Variants in ATP11A observed in about 807,000 individuals in gnomAD.
ATP11A encodes phospholipid-transporting ATPase IH.
Under a neutral mutation model 154.4 loss-of-function variants are expected in ATP11A, and 81 were observed. That is an observed-to-expected ratio of 0.52 (90% CI 0.44 to 0.63). The LOEUF (loss-of-function observed/expected upper bound fraction) is 0.63, where lower values mean the gene tolerates loss of function less well. Among genes scored for constraint, ATP11A ranks in the 30% least tolerant of loss-of-function variants. The pLI is 0.00. For synonymous variants in ATP11A, 623 were observed against 585.9 expected, an observed-to-expected ratio of 1.06 and a Z score of -0.91; for missense variants, 1,316 against 1,474.3, an observed-to-expected ratio of 0.89 and a Z score of 1.76.
Position 112,753,546 on chromosome 13 carries a change from A to G in ATP11A, c.40-31589A>G, listed in dbSNP as rs144225374. On this transcript the variant is annotated intron_variant, in intron 1 of 29. Transcript: ENST00000375645. This position sits in a 1 kb window ranked among gnomAD's most constrained non-coding sequence, Gnocchi z 4.1. ...GGTTTTATCTTGTACTTCTCCTGCT[A>G]ACAGGCAGGTTGAGAATCTTTTTAT... Among the ~76,000 whole-genome samples, 192 of 152,330 alleles carry G rather than the reference A, an allele frequency of 1.3e-3. 1 individual carries two copies. Among genetic ancestry groups the G allele is most frequent in the African/African-American group, 4.5e-3 (189 of 41,574 alleles).
intron 28 of ATP11A, 119 bp from the exon 29 acceptor site, chr13:112,878,098 A>G (rs2080783175): frequency 1.9e-5 from 18 of 948,870 alleles, no homozygotes; most frequent in Middle Eastern, 4.2e-4. Context: ...TGACTAACTC[A>G]GCTCTGTCTC....
At chr13:112,779,555 T>C (rs974483836) in intron 1 of ATP11A, among the ~76,000 whole-genome samples, 3 of 152,208 alleles carry the variant, frequency 2.0e-5, no homozygotes, top group African/African-American at 7.2e-5. Flanking sequence ...CAGGAAGAGC[T>C]TTATATCTAA....
chr13:112,784,988 C>G (rs528470785), intron 1 of ATP11A, 147 bp from the exon 2 acceptor site: 1 of 1,071,264 alleles, frequency 9.3e-7, no homozygotes, highest in East Asian at 3.1e-5. Flanking sequence ...GGTGCTGGGC[C>G]CCAGGTCTCC....
Position 112,806,131 on chromosome 13 carries a change from T to C in ATP11A, c.253-82T>C, listed in dbSNP as rs1594757959. ...TAAATAAGTCAAAGCGAATGGGAAGTGCTGGCTCAGGGCAAACTAACCTGC... is the reference window on the plus strand; with the variant it reads ...TAAATAAGTCAAAGCGAATGGGAAGCGCTGGCTCAGGGCAAACTAACCTGC... On this transcript the variant is annotated intron_variant, in intron 3 of 29. Transcript: ENST00000375645. 9 of 998,148 alleles carry C rather than the reference T, an allele frequency of 9.0e-6. No individual in the cohort carries two copies. The South Asian group carries it at 1.3e-4, about 14-fold the overall frequency. 61.8% of individuals were successfully genotyped at this position (998,148 alleles called of 1,614,324 possible).
intron 1 of ATP11A, among the ~76,000 whole-genome samples, chr13:112,777,401 T>A (rs566491226): frequency 6.6e-6 from 1 of 152,226 alleles, no homozygotes; most frequent in African/African-American, 2.4e-5. Context: ...CAGTCTCTAC[T>A]AAAAATACAA....
In ATP11A at chr13:112,858,174, G is replaced by T. The variant is rs1441932447; in HGVS notation, c.2551G>T (p.Ala851Ser). 3.7e-6 allele frequency: 6 copies of T among 1,613,834 alleles called. No homozygotes were observed. The highest frequency in any genetic ancestry group is 5.1e-6 in the Non-Finnish European group (6 of 1,179,912). ...GVIGKEGRQA[A>S]RNSDYAIPKF... The stretch of plus-strand genomic sequence containing the variant: ...CATCGGCAAGGAAGGCCGCCAGGCT[G>T]CCAGGAACAGCGACTATGCAATCCC... The change falls in exon 22 of 30, where the codon GCC (alanine) becomes TCC (serine). Residue 851 changes from alanine to serine, a missense_variant. Physicochemically the swap from Ala to Ser is moderately conservative, Grantham distance 99. This residue lies in a region of ATP11A where 876 missense variants were observed against 1,006.8 expected (regional missense o/e 0.87). Transcript: ENST00000375645.
chr13:112,862,153 T>G (rs999250106), intron 24 of ATP11A, among the ~76,000 whole-genome samples: 4 of 152,244 alleles, frequency 2.6e-5, no homozygotes, highest in African/African-American at 9.6e-5. Context: ...GTTCGTTGCT[T>G]TCAGAAGCAG....
chr13:112,818,737 C>T (rs563426152), intron 6 of ATP11A, among the ~76,000 whole-genome samples: 13 of 152,346 alleles, frequency 8.5e-5, no homozygotes, highest in African/African-American at 3.1e-4. Context: ...CCTCCCTAGA[C>T]CCACTGCATC....
At chr13:112,790,589 C>T (rs547764549) in intron 2 of ATP11A, among the ~76,000 whole-genome samples, 4 of 150,884 alleles carry the variant, frequency 2.7e-5, no homozygotes, top group African/African-American at 9.8e-5. Flanking sequence ...TAATTCACAC[C>T]GGGTGTCCTG....
rs566365755 is a variant in ATP11A at position 112,742,318 on chromosome 13, C to T, written c.40-42817C>T. On this transcript the variant is annotated intron_variant, in intron 1 of 29. Transcript: ENST00000375645. ...CCTGTGGAAGGGGGTGCTGTCCTGT[C>T]ACCTCCCATGTCGAGTTGCGCCTGA... Among the ~76,000 whole-genome samples, 13 of 152,260 alleles carry T rather than the reference C, an allele frequency of 8.5e-5. No individual in the cohort carries two copies. The South Asian group carries it at 2.5e-3, about 29-fold the overall frequency.
chr13:112,870,532 C>G (rs1028069270), intron 25 of ATP11A, among the ~76,000 whole-genome samples: 1 of 152,222 alleles, frequency 6.6e-6, no homozygotes, highest in African/African-American at 2.4e-5. Context: ...GCAGGCGCCG[C>G]TACGCCCGGC....
At chr13:112,779,355 C>CTG (rs2077440473) in intron 1 of ATP11A, among the ~76,000 whole-genome samples, 6 of 138,550 alleles carry the variant, frequency 4.3e-5, no homozygotes, top group African/African-American at 1.8e-4. Context: ...GAGTGAGTAG[C>CTG]CGCTGGAGTG....
At chr13:112,824,452 G>A (rs2078881016) in intron 10 of ATP11A, 27 bp downstream of exon 10, 5 of 1,605,772 alleles carry the variant, frequency 3.1e-6, no homozygotes, top group Non-Finnish European at 4.3e-6. Context: ...GTGAGAACCT[G>A]CAACTTAAAA....
chr13:112,709,168 A>T (rs536128210), intron 1 of ATP11A, among the ~76,000 whole-genome samples: 5 of 152,080 alleles, frequency 3.3e-5, no homozygotes, highest in East Asian at 1.9e-4. Flanking sequence ...ATTTTTTTTT[A>T]AATTTACCCA....
chr13:112,793,848 G>A (rs1363512810), intron 2 of ATP11A, among the ~76,000 whole-genome samples: 1 of 152,228 alleles, frequency 6.6e-6, no homozygotes, highest in Admixed American at 6.5e-5. Flanking sequence ...CAGGCCAGGT[G>A]AGGCCATGCT....
At chr13:112,704,224 A>G (rs1886897222) in intron 1 of ATP11A, among the ~76,000 whole-genome samples, 1 of 152,146 alleles carries the variant, frequency 6.6e-6, no homozygotes, top group Non-Finnish European at 1.5e-5. Context: ...GTGTCTTTTT[A>G]AATAATCAAA....
intron 1 of ATP11A, among the ~76,000 whole-genome samples, chr13:112,760,681 C>G (rs927141017): frequency 6.6e-6 from 1 of 152,006 alleles, no homozygotes; most frequent in Non-Finnish European, 1.5e-5. Flanking sequence ...GTCATGTTTG[C>G]GTAAATATAA....
At chr13:112,865,531 T>A (rs1199544966) in intron 25 of ATP11A, among the ~76,000 whole-genome samples, 1 of 152,276 alleles carries the variant, frequency 6.6e-6, no homozygotes, top group Non-Finnish European at 1.5e-5. Flanking sequence ...GGAAATGTCC[T>A]GCTGAAGTTT....
In ATP11A at chr13:112,747,898, CAA is replaced by C. The variant is rs1395140359; in HGVS notation, c.40-37234_40-37233del. Among the ~76,000 whole-genome samples the C allele has an allele frequency of 8.6e-5, 13 of 151,980 alleles. 1 individual carries two copies. The highest frequency in any genetic ancestry group is 2.4e-4 in the African/African-American group (10 of 41,448). ...TTGTATGCAGAAAGAAAGGGTAAGG[CAA>C]AATTGAAGGGATGGGATGAATTTGA... On this transcript the variant is annotated intron_variant, in intron 1 of 29. Coordinates refer to ENST00000375645, the MANE Select transcript of ATP11A (RefSeq NM_015205.3).
Sources: gnomAD v4.1 joint callset for allele counts (sites outside exome capture counted in the v4.1 genomes callset) on GRCh38, gnomAD v4.1.1 for gene constraint, gnomAD v4.1.1 regional missense constraint, Gnocchi (gnomAD v3.1) non-coding constraint, MANE v1.5 for transcripts, NCBI Gene and HGNC (gene_info 2026-07-23, HGNC 2026-07-21) for gene names.